The following PTPRD variants were observed in gnomAD, a reference collection of about 807,000 sequenced individuals.
The protein encoded by PTPRD is receptor-type tyrosine-protein phosphatase delta.
PTPRD carries 34 observed loss-of-function variants against 214.5 expected under a neutral mutation model. The ratio of observed to expected loss-of-function variants is 0.16; its 90% CI spans 0.12 to 0.21. The LOEUF is 0.21. Among genes scored for constraint, PTPRD ranks in the 10% least tolerant of loss-of-function variants. PTPRD has a pLI of 1.00. For missense variants in PTPRD, 2,545 were observed against 2,398.7 expected, an observed-to-expected ratio of 1.06 and a Z score of -1.27; for synonymous variants, 1,128 against 845.7, an observed-to-expected ratio of 1.33 and a Z score of -5.79.
chr9:8,702,771 C>T (rs1441123616), intron 12 of PTPRD, among the ~76,000 whole-genome samples: 3 of 152,248 alleles, frequency 2.0e-5, no homozygotes, highest in Non-Finnish European at 2.9e-5. Context: ...CTACGCCCAG[C>T]GAATTTTTTG....
At chr9:9,551,854 C>T (rs2154282749) in intron 8 of PTPRD, among the ~76,000 whole-genome samples, 1 of 151,826 alleles carries the variant, frequency 6.6e-6, no homozygotes, top group South Asian at 2.1e-4. Flanking sequence ...AGTTGCTCCC[C>T]AAAAGGAAAA....
At chr9:8,476,480 C>A (rs993079760) in intron 30 of PTPRD, among the ~76,000 whole-genome samples, 1 of 152,116 alleles carries the variant, frequency 6.6e-6, no homozygotes, top group Non-Finnish European at 1.5e-5. Flanking sequence ...ATTAAACTAT[C>A]GATCATTCTG....
At chr9:8,449,570 A>T (rs190735451) in intron 34 of PTPRD, among the ~76,000 whole-genome samples, 155 bp downstream of exon 34, 1 of 152,338 alleles carries the variant, frequency 6.6e-6, no homozygotes, top group Admixed American at 6.5e-5. Context: ...TTCCTTTCAG[A>T]CTTTTGCTTG....
chr9:8,823,450 C>T (rs1027948646), intron 11 of PTPRD, among the ~76,000 whole-genome samples: 6 of 152,100 alleles, frequency 3.9e-5, no homozygotes, highest in African/African-American at 1.4e-4. Flanking sequence ...TTTCCTTATC[C>T]GCCAGCAAGT....
At chr9:8,451,427 A>G (rs939420913) in intron 33 of PTPRD, among the ~76,000 whole-genome samples, 1 of 152,172 alleles carries the variant, frequency 6.6e-6, no homozygotes, top group Non-Finnish European at 1.5e-5. Flanking sequence ...GTAGAAAGGA[A>G]GAAGAAAAGA....
intron 2 of PTPRD, among the ~76,000 whole-genome samples, 180 bp downstream of exon 2, chr9:10,612,218 A>AAAG (rs1303793611): frequency 3.3e-5 from 5 of 151,618 alleles, no homozygotes; most frequent in African/African-American, 9.7e-5. Context: ...CAAAAAAAAA[A>AAAG]AAAAAAGAAA....
chr9:10,573,628 C>A (rs912739807), intron 2 of PTPRD, among the ~76,000 whole-genome samples: 2 of 152,086 alleles, frequency 1.3e-5, no homozygotes, highest in Non-Finnish European at 2.9e-5. Flanking sequence ...AGATGCTAGG[C>A]TGAAGGGGGA....
intron 7 of PTPRD, among the ~76,000 whole-genome samples, chr9:9,733,877 A>T (rs1316650767): frequency 6.6e-6 from 1 of 151,856 alleles, no homozygotes; most frequent in Admixed American, 6.6e-5. Flanking sequence ...TATTTCAATA[A>T]TATTTGAAGA....
intron 3 of PTPRD, among the ~76,000 whole-genome samples, chr9:10,260,168 T>G (rs987975764): frequency 6.6e-6 from 1 of 152,206 alleles, no homozygotes; most frequent in Non-Finnish European, 1.5e-5. Flanking sequence ...GTGTTAAATG[T>G]GGAAACCGTA....
chr9:8,484,144 C>T lies in PTPRD; in HGVS notation c.3388G>A (p.Glu1130Lys), dbSNP rs2135756842. The change falls in exon 30 of 46, where the codon GAA becomes AAA. Residue 1130 changes from glutamate to lysine, a missense_variant. Glu to Lys is a moderately conservative substitution (Grantham distance 56). Transcript: ENST00000381196. ...LDGMITVQLP[E>K]VPANENIKGY... ...TTTATATTCTCATTTGCAGGTACTT[C>T]AGGCAGTTGCACAGTAATCATGCCA... 1 of 1,614,040 alleles carries T rather than the reference C, an allele frequency of 6.2e-7. No individual in the cohort carries two copies. The highest frequency in any genetic ancestry group is 2.2e-5 in the East Asian group (1 of 44,870).
At chr9:10,366,959 G>T (rs1371609074) in intron 2 of PTPRD, among the ~76,000 whole-genome samples, 1 of 151,950 alleles carries the variant, frequency 6.6e-6, no homozygotes, top group Non-Finnish European at 1.5e-5. Flanking sequence ...TTTATTTCAT[G>T]ACCTGGGTGG....
intron 22 of PTPRD, among the ~76,000 whole-genome samples, chr9:8,506,438 C>G (rs756301651): frequency 2.6e-5 from 4 of 152,154 alleles, no homozygotes; most frequent in Non-Finnish European, 5.9e-5. Context: ...ATATCGATTT[C>G]TATCATGTAT....
chr9:10,083,206 G>A (rs2098272081), intron 3 of PTPRD, among the ~76,000 whole-genome samples: 1 of 151,860 alleles, frequency 6.6e-6, no homozygotes, highest in Non-Finnish European at 1.5e-5. Flanking sequence ...TTATGATAGA[G>A]CCTATCTAAC....
At chr9:8,738,129 G>C (rs924103739) in intron 11 of PTPRD, among the ~76,000 whole-genome samples, 13 of 152,142 alleles carry the variant, frequency 8.5e-5, no homozygotes, top group African/African-American at 3.1e-4. Flanking sequence ...CTGTATATCT[G>C]TACATGGGTG....
At chr9:9,419,955 C>G (rs78925944) in intron 8 of PTPRD, among the ~76,000 whole-genome samples, 1 of 151,408 alleles carries the variant, frequency 6.6e-6, no homozygotes, top group Non-Finnish European at 1.5e-5. Flanking sequence ...GATCCAGCAC[C>G]GACGTAAGAC....
chr9:8,839,140 G>A (rs917380611), intron 11 of PTPRD, among the ~76,000 whole-genome samples: 2 of 151,938 alleles, frequency 1.3e-5, no homozygotes, highest in Non-Finnish European at 2.9e-5. Flanking sequence ...GAAATATAGA[G>A]ATTTAATTCA....
intron 12 of PTPRD, among the ~76,000 whole-genome samples, chr9:8,670,294 T>C (rs1481043374): frequency 6.6e-6 from 1 of 152,182 alleles, no homozygotes; most frequent in Admixed American, 6.5e-5. Flanking sequence ...TCTTGACCTA[T>C]ATCTCCCATT....
intron 7 of PTPRD, among the ~76,000 whole-genome samples, chr9:9,655,504 G>T (rs1309001362): frequency 6.6e-6 from 1 of 151,946 alleles, no homozygotes; most frequent in Non-Finnish European, 1.5e-5. Flanking sequence ...AGGAGGCAGA[G>T]GTTGCAGTGA....
At chr9:10,123,816 C>T (rs2098795237) in intron 3 of PTPRD, among the ~76,000 whole-genome samples, 1 of 152,174 alleles carries the variant, frequency 6.6e-6, no homozygotes, top group Non-Finnish European at 1.5e-5. Flanking sequence ...ATGGCTTACA[C>T]TGTTAGGTGA....
Sources: allele counts gnomAD v4.1 joint callset (sites outside exome capture counted in the v4.1 genomes callset), GRCh38; gene constraint gnomAD v4.1.1; transcripts MANE v1.5; gene names NCBI Gene and HGNC (gene_info 2026-07-23, HGNC 2026-07-21).